The following PDE3B variants were observed in gnomAD, a reference collection of about 807,000 sequenced individuals.
PDE3B encodes the protein cGMP-inhibited 3',5'-cyclic phosphodiesterase 3B.
PDE3B carries 66 observed loss-of-function variants against 116.8 expected under a neutral mutation model. That is an observed-to-expected ratio of 0.56 (90% CI 0.46 to 0.69). The LOEUF is 0.69. Ranked by LOEUF, PDE3B falls within the 30% of genes least tolerant of loss-of-function variation. The probability of loss-of-function intolerance (pLI) is 0.00; values close to 1 mark genes in which losing one functional copy is unlikely to be tolerated. For synonymous variants in PDE3B, 595 were observed against 533.6 expected, an observed-to-expected ratio of 1.12 and a Z score of -1.59; for missense variants, 1,384 against 1,368.1, an observed-to-expected ratio of 1.01 and a Z score of -0.18.
chr11:14,848,708 G>C (rs1161989008), intron 12 of PDE3B, among the ~76,000 whole-genome samples: 2 of 152,152 alleles, frequency 1.3e-5, no homozygotes, highest in South Asian at 2.1e-4. Context: ...GACAAACACA[G>C]AGCCAAATCA....
rs770683466 is a variant in PDE3B at position 14,843,955 on chromosome 11, G to A, written c.2449G>A (p.Ala817Thr). The change falls in exon 12 of 16, where the codon GCA becomes ACA. Residue 817 changes from alanine (A) to threonine (T), a missense_variant. This residue lies in a region of PDE3B where 428 missense variants were observed against 561.4 expected (regional missense o/e 0.76). Coordinates refer to ENST00000282096, the MANE Select transcript of PDE3B (RefSeq NM_000922.4). Reference protein sequence around the residue: ...PALELMALYVAAAMHDYDHPG... With the variant: ...PALELMALYVTAAMHDYDHPG... ...ATTAGAATTGATGGCTCTATACGTG[G>A]CAGCTGCCATGCATGATTATGATCA... The A allele has an allele frequency of 6.2e-7, 1 of 1,614,076 alleles. No individual in the cohort carries two copies. The highest frequency in any genetic ancestry group is 8.5e-7 in the Non-Finnish European group (1 of 1,179,978).
At chr11:14,866,419 A>T (rs1848047381) in intron 14 of PDE3B, among the ~76,000 whole-genome samples, 1 of 152,076 alleles carries the variant, frequency 6.6e-6, no homozygotes, top group Non-Finnish European at 1.5e-5. Flanking sequence ...TTTTTATTAT[A>T]CTAATTATAC....
At chr11:14,877,851 G>A in the PDE3B span, 10 of 414,202 alleles carry the variant, frequency 2.4e-5, no homozygotes, top group Admixed American at 8.0e-5. Context: ...AGCTTAGGGC[G>A]TCCATGACCC....
At chr11:14,664,691 C>T (rs1162742614) in intron 1 of PDE3B, among the ~76,000 whole-genome samples, 1 of 152,186 alleles carries the variant, frequency 6.6e-6, no homozygotes, top group Non-Finnish European at 1.5e-5. Context: ...TTCCTCGACA[C>T]ATACACCCTC....
the PDE3B span, among the ~76,000 whole-genome samples, chr11:14,889,854 C>T: frequency 6.6e-6 from 1 of 152,206 alleles, no homozygotes; most frequent in Admixed American, 6.5e-5. Flanking sequence ...ATAGGCCGGG[C>T]GCAGTGGCTC....
At chr11:14,690,405 A>C (rs1426045256) in intron 1 of PDE3B, among the ~76,000 whole-genome samples, 1 of 152,170 alleles carries the variant, frequency 6.6e-6, no homozygotes, top group Non-Finnish European at 1.5e-5. Context: ...TTTATAGAAA[A>C]CCTTACATAT....
intron 1 of PDE3B, among the ~76,000 whole-genome samples, chr11:14,699,643 G>A (rs921014909): frequency 2.2e-4 from 33 of 151,626 alleles, no homozygotes; most frequent in Admixed American, 2.1e-3. Context: ...TTTTGATGTC[G>A]TTTAATCACT....
intron 11 of PDE3B, among the ~76,000 whole-genome samples, chr11:14,837,433 A>G (rs1011081023): frequency 6.6e-6 from 1 of 152,186 alleles, no homozygotes; most frequent in Non-Finnish European, 1.5e-5. Flanking sequence ...AATTTCCTCA[A>G]CTAAATGTCT....
intron 4 of PDE3B, among the ~76,000 whole-genome samples, chr11:14,800,273 T>C (rs1590155639): frequency 6.6e-6 from 1 of 152,204 alleles, no homozygotes; most frequent in East Asian, 1.9e-4. Flanking sequence ...GATTCCAGCC[T>C]GACCAACGTG....
At chr11:14,701,520 A>G (rs373789064) in intron 1 of PDE3B, among the ~76,000 whole-genome samples, 8 of 151,912 alleles carry the variant, frequency 5.3e-5, no homozygotes, top group South Asian at 2.1e-4. Context: ...GTTCCACTCT[A>G]CAGTCCTGCA....
chr11:14,673,445 C>G (rs1193350985), intron 1 of PDE3B, among the ~76,000 whole-genome samples: 1 of 151,804 alleles, frequency 6.6e-6, no homozygotes, highest in Admixed American at 6.6e-5. Flanking sequence ...CTTTTATTTT[C>G]TTTGTTTAAA....
At chr11:14,841,554 A>G (rs1860225581) in intron 11 of PDE3B, among the ~76,000 whole-genome samples, 1 of 148,918 alleles carries the variant, frequency 6.7e-6, no homozygotes, top group Non-Finnish European at 1.5e-5. Context: ...TATGCACACA[A>G]CAGCTAAGTG....
chr11:14,758,501 T>C (rs1264446742), intron 1 of PDE3B, among the ~76,000 whole-genome samples: 35 of 148,586 alleles, frequency 2.4e-4, no homozygotes, highest in Admixed American at 3.4e-4. Context: ...TTGTAGTTCT[T>C]CTTGAAGAGG....
chr11:14,895,880 G>A, the PDE3B span, among the ~76,000 whole-genome samples: 7 of 152,306 alleles, frequency 4.6e-5, no homozygotes, highest in East Asian at 1.3e-3. Flanking sequence ...AGGCAAGGCC[G>A]AATGAGGGAC....
intron 1 of PDE3B, among the ~76,000 whole-genome samples, chr11:14,740,253 CT>C (rs1337494895): frequency 9.9e-5 from 15 of 151,996 alleles, no homozygotes; most frequent in Non-Finnish European, 1.5e-5. Flanking sequence ...GGTTGGTAGG[CT>C]ATTAATTACT....
intron 7 of PDE3B, among the ~76,000 whole-genome samples, chr11:14,822,490 C>T (rs757300524): frequency 1.2e-4 from 19 of 152,186 alleles, no homozygotes; most frequent in South Asian, 2.1e-4. Flanking sequence ...GGGAGTGACA[C>T]GGAGCCAGGG....
At chr11:14,853,758 T>C (rs1487883767) in intron 12 of PDE3B, among the ~76,000 whole-genome samples, 1 of 152,204 alleles carries the variant, frequency 6.6e-6, no homozygotes, top group Admixed American at 6.5e-5. Flanking sequence ...GTGATACATA[T>C]AGTCAGGTAT....
intron 5 of PDE3B, among the ~76,000 whole-genome samples, chr11:14,804,356 G>A (rs1858856729): frequency 6.6e-6 from 1 of 151,424 alleles, no homozygotes; most frequent in Admixed American, 6.6e-5. Context: ...CTTCAAGAAA[G>A]AGTATTTTTT....
In PDE3B at chr11:14,644,128, A is replaced by T; in HGVS notation, c.53A>T (p.Asp18Val). The change falls in exon 1 of 16, where the codon GAT becomes GTT. Residue 18 changes from aspartate to valine, a missense_variant. This residue lies in a region of PDE3B where 956 missense variants were observed against 806.8 expected (regional missense o/e 1.18). Transcript: ENST00000282096. ...AKAMRSLQPP[D>V]GAGSPPESLR... ...GCCATGCGGTCCCTGCAGCCGCCGG[A>T]TGGGGCCGGCTCGCCCCCCGAGAGT... 1.3e-6 allele frequency: 2 copies of T among 1,583,208 alleles called. No homozygotes were observed. The highest frequency in any genetic ancestry group is 1.7e-6 in the Non-Finnish European group (2 of 1,173,616).
Sources: allele counts gnomAD v4.1 joint callset (sites outside exome capture counted in the v4.1 genomes callset), GRCh38; gene constraint gnomAD v4.1.1; regional missense constraint gnomAD v4.1.1; transcripts MANE v1.5; gene names NCBI Gene and HGNC (gene_info 2026-07-23, HGNC 2026-07-21).